The following FOXJ3 variants were observed in gnomAD, a reference collection of about 807,000 sequenced individuals.
The protein encoded by FOXJ3 is forkhead box protein J3.
A neutral mutation model predicts 76.1 loss-of-function variants in FOXJ3; 22 were observed. The ratio of observed to expected loss-of-function variants is 0.29; its 90% CI spans 0.21 to 0.41. The LOEUF is 0.41. Among genes scored for constraint, FOXJ3 ranks in the 10% least tolerant of loss-of-function variants. FOXJ3 has a pLI of 1.00. For synonymous variants in FOXJ3, 269 were observed against 261.2 expected (o/e 1.03, Z -0.29); for missense variants, 613 against 762.1 (o/e 0.80, Z 2.30).
At chr1:42,240,162 T>G (rs1649021622) in intron 4 of FOXJ3, among the ~76,000 whole-genome samples, 1 of 152,296 alleles carries the variant, frequency 6.6e-6, no homozygotes, top group South Asian at 2.1e-4. Context: ...AATATACTAT[T>G]TGGGTCCACT....
intron 5 of FOXJ3, among the ~76,000 whole-genome samples, chr1:42,216,513 G>A (rs372608122): frequency 1.1e-4 from 17 of 148,248 alleles, no homozygotes; most frequent in South Asian, 4.3e-4. Flanking sequence ...GCGAGACTCC[G>A]TCTCAAAAAA....
At chr1:42,208,564 T>G (rs577952043) in intron 5 of FOXJ3, among the ~76,000 whole-genome samples, 16 of 152,302 alleles carry the variant, frequency 1.1e-4, no homozygotes, top group African/African-American at 3.1e-4. Context: ...TCACATATAA[T>G]AAGTCCATAG....
intron 4 of FOXJ3, among the ~76,000 whole-genome samples, chr1:42,230,323 G>GT (rs1557656820): frequency 6.6e-6 from 1 of 151,970 alleles, no homozygotes; most frequent in Non-Finnish European, 1.5e-5. Context: ...CCACTAGCAT[G>GT]TCTATGATCA....
rs9326121 is a variant in FOXJ3 at position 42,306,298 on chromosome 1, C to CTTTTT, written c.44+4747_44+4751dup. Among the ~76,000 whole-genome samples the CTTTTT allele has an allele frequency of 2.6e-3, 212 of 81,614 alleles. 1 individual carries two copies. Among genetic ancestry groups the CTTTTT allele is most frequent in the Middle Eastern group, 9.1e-3 (1 of 110 alleles). 53.5% of individuals were successfully genotyped at this position (81,614 alleles called of 152,430 possible). ...CATCCATCACTCTCTGAACTTTTTT[C>CTTTTT]TTTTTTTTTTTTTTTTTTTTTTTGG... On this transcript the variant is annotated intron_variant, in intron 2 of 12. Transcript: ENST00000361346.
chr1:42,323,657 T>G, intron 1 of FOXJ3: 1 of 968,400 alleles, frequency 1.0e-6, no homozygotes, highest in South Asian at 4.8e-5. Context: ...ACCCATTTCT[T>G]GCTAAGAGAC....
chr1:42,297,312 C>T (rs986370030), intron 2 of FOXJ3, among the ~76,000 whole-genome samples: 5 of 152,128 alleles, frequency 3.3e-5, no homozygotes, highest in Middle Eastern at 3.2e-3. Context: ...CTATGTTGAA[C>T]AAGAGTGGTG....
intron 1 of FOXJ3, among the ~76,000 whole-genome samples, chr1:42,324,104 G>GTATATATAGTA (rs1557725916): frequency 2.2e-5 from 2 of 88,946 alleles, no homozygotes; most frequent in Non-Finnish European, 4.1e-5. Context: ...TATATACTGT[G>GTATATATAGTA]TATATACACT....
chr1:42,239,092 G>A (rs570197544), intron 4 of FOXJ3, among the ~76,000 whole-genome samples: 1 of 152,010 alleles, frequency 6.6e-6, no homozygotes, highest in Non-Finnish European at 1.5e-5. Flanking sequence ...TTCCTTCCTA[G>A]TACAGAAAAA....
intron 11 of FOXJ3, among the ~76,000 whole-genome samples, chr1:42,184,346 C>G (rs957997554): frequency 1.3e-5 from 2 of 152,030 alleles, no homozygotes; most frequent in Non-Finnish European, 2.9e-5. Flanking sequence ...ACCTTAAAGG[C>G]AGAGGGGAGA....
chr1:42,335,364 C>T (rs536185484), upstream of FOXJ3: 2 of 152,240 alleles, frequency 1.3e-5, no homozygotes, highest in Non-Finnish European at 2.9e-5. Flanking sequence ...CAGGATCCCT[C>T]CGCTGGGACA....
chr1:42,263,061 A>C (rs1392320277), intron 4 of FOXJ3, among the ~76,000 whole-genome samples: 4 of 152,168 alleles, frequency 2.6e-5, no homozygotes, highest in Admixed American at 2.0e-4. Flanking sequence ...GCCTCTCAGG[A>C]CTCAATTTAT....
chr1:42,237,927 CACACACACACACATATATATAG>C (rs1187379036), intron 4 of FOXJ3, among the ~76,000 whole-genome samples: 1 of 151,928 alleles, frequency 6.6e-6, no homozygotes, highest in Admixed American at 6.6e-5. Flanking sequence ...CACACACACA[CACACACACACACATATATATAG>C]ACACACACAC....
At chr1:42,328,910 G>C (rs1277693941) in intron 1 of FOXJ3, among the ~76,000 whole-genome samples, 1 of 151,738 alleles carries the variant, frequency 6.6e-6, no homozygotes, top group South Asian at 2.1e-4. Flanking sequence ...CAAGTGATCC[G>C]CCTGCCTCGG....
chr1:42,292,742 GTATT>G (rs1557704251), intron 2 of FOXJ3, among the ~76,000 whole-genome samples: 2 of 152,186 alleles, frequency 1.3e-5, no homozygotes, highest in African/African-American at 4.8e-5. Context: ...ATGTGTGTAT[GTATT>G]TGTCAGACTT....
At chr1:42,221,157 T>C (rs1647176612) in intron 5 of FOXJ3, among the ~76,000 whole-genome samples, 1 of 152,176 alleles carries the variant, frequency 6.6e-6, no homozygotes, top group Admixed American at 6.5e-5. Context: ...AAATCACATG[T>C]CATGTAGTCT....
intron 1 of FOXJ3, among the ~76,000 whole-genome samples, chr1:42,314,496 C>T (rs1047471870): frequency 2.0e-5 from 3 of 152,330 alleles, no homozygotes; most frequent in East Asian, 3.9e-4. Context: ...GATCCACCTG[C>T]CTCGGTTAGG....
At chr1:42,281,923 G>A (rs142201358) in intron 2 of FOXJ3, among the ~76,000 whole-genome samples, 5 of 152,246 alleles carry the variant, frequency 3.3e-5, no homozygotes, top group African/African-American at 1.2e-4. Flanking sequence ...GCTGGATGTG[G>A]TGGCACATCC....
Position 42,265,010 on chromosome 1 carries a change from A to G in FOXJ3, c.444+105T>C, listed in dbSNP as rs768582196. On this transcript the variant is annotated intron_variant, in intron 4 of 12. Coordinates refer to ENST00000361346, the MANE Select transcript of FOXJ3 (RefSeq NM_014947.5). ...TTTAGAGCAGGGTGGGGGAGGACTT[A>G]CTATTTTGCAGAGGTTCCTATTCAA... The G allele has an allele frequency of 2.3e-5, 18 of 798,084 alleles. No individual in the cohort carries two copies. In the African/African-American group the frequency reaches 2.7e-4, roughly 12 times the overall value. 49.4% of individuals were successfully genotyped at this position (798,084 alleles called of 1,614,324 possible).
intron 5 of FOXJ3, among the ~76,000 whole-genome samples, chr1:42,207,758 G>A (rs986741621): frequency 2.6e-5 from 4 of 152,120 alleles, no homozygotes; most frequent in South Asian, 2.1e-4. Flanking sequence ...CAACCTTCGG[G>A]CAGAGAATAG....
Sources: gnomAD v4.1 joint callset for allele counts (sites outside exome capture counted in the v4.1 genomes callset) on GRCh38, gnomAD v4.1.1 for gene constraint, MANE v1.5 for transcripts, NCBI Gene and HGNC (gene_info 2026-07-23, HGNC 2026-07-21) for gene names.